Variants in RSU1 observed in about 807,000 individuals in gnomAD.
RSU1 encodes the protein Ras suppressor protein 1.
RSU1 carries 26 observed loss-of-function variants against 31.1 expected under a neutral mutation model. That is an observed-to-expected ratio of 0.84 (90% confidence interval 0.61 to 1.16). The LOEUF (loss-of-function observed/expected upper bound fraction) is 1.16, where lower values mean the gene tolerates loss of function less well. Among genes scored for constraint, RSU1 ranks in the 50% most tolerant of loss-of-function variants. The probability of loss-of-function intolerance (pLI) is 0.00; values close to 1 mark genes in which losing one functional copy is unlikely to be tolerated. For missense variants in RSU1, 320 were observed against 339.1 expected (o/e 0.94, Z 0.44); for synonymous variants, 164 against 136.3 (o/e 1.20, Z -1.41).
At chr10:16,803,404 C>G (rs1838199281) in intron 2 of RSU1, among the ~76,000 whole-genome samples, 1 of 152,110 alleles carries the variant, frequency 6.6e-6, no homozygotes, top group Admixed American at 6.5e-5. Flanking sequence ...CAGGAAGACT[C>G]AACACTGTTA....
rs979680265 is a variant in RSU1, at chr10:16,655,380, C to T, written c.731+39643G>A. ...TCCAGGTCAAAGCTGGGATCTGTCA[C>T]TTAGAGGTTAACACTACTGAGGGCA... is the stretch of plus-strand genomic sequence containing the variant. On this transcript the variant is annotated intron_variant, in intron 8 of 8. Coordinates refer to ENST00000345264, the MANE Select transcript of RSU1 (RefSeq NM_012425.4). Among the ~76,000 whole-genome samples the T allele has an allele frequency of 2.0e-5, 3 of 152,172 alleles. No homozygotes were observed. The South Asian group carries it at 6.2e-4, about 31-fold the overall frequency.
At chr10:16,671,081 C>T (rs562506678) in intron 8 of RSU1, among the ~76,000 whole-genome samples, 66 of 152,216 alleles carry the variant, frequency 4.3e-4, no homozygotes, top group African/African-American at 1.4e-3. Context: ...CCTGTTAAAG[C>T]TCCTGAAATG....
At chr10:16,723,482 G>T (rs1297031903) in intron 7 of RSU1, among the ~76,000 whole-genome samples, 1 of 152,182 alleles carries the variant, frequency 6.6e-6, no homozygotes, top group Non-Finnish European at 1.5e-5. Context: ...ATTTGAGCAA[G>T]AGCTCCAATG....
chr10:16,593,603 G>T, intron 8 of RSU1, 107 bp from the exon 9 acceptor site: 3 of 881,128 alleles, frequency 3.4e-6, no homozygotes, highest in Non-Finnish European at 5.5e-6. Flanking sequence ...TATTCAGTAA[G>T]CCAAAGAAAA....
intron 2 of RSU1, among the ~76,000 whole-genome samples, chr10:16,789,526 C>G (rs182552784): frequency 6.6e-6 from 1 of 152,126 alleles, no homozygotes; most frequent in Non-Finnish European, 1.5e-5. Flanking sequence ...CCTTTCCACT[C>G]GGGAATGGTG....
intron 7 of RSU1, among the ~76,000 whole-genome samples, chr10:16,699,883 T>A (rs986086895): frequency 6.6e-6 from 1 of 152,186 alleles, no homozygotes; most frequent in South Asian, 2.1e-4. Flanking sequence ...CAAATTGGAT[T>A]TTCCATTTTA....
At chr10:16,708,998 GTTTT>G (rs35261569) in intron 7 of RSU1, among the ~76,000 whole-genome samples, 3 of 142,730 alleles carry the variant, frequency 2.1e-5, no homozygotes, top group South Asian at 2.3e-4. Flanking sequence ...GAGTCCTTTG[GTTTT>G]TTTTTTTTAA....
At chr10:16,731,346 C>T (rs1354984444) in intron 7 of RSU1, among the ~76,000 whole-genome samples, 1 of 150,332 alleles carries the variant, frequency 6.7e-6, no homozygotes, top group Non-Finnish European at 1.5e-5. Flanking sequence ...AGGAGAATGG[C>T]GTGAACCCAG....
At chr10:16,597,647 A>C (rs560296029) in intron 8 of RSU1, among the ~76,000 whole-genome samples, 31 of 152,314 alleles carry the variant, frequency 2.0e-4, no homozygotes, top group African/African-American at 7.2e-4. Context: ...ACAGACATGG[A>C]GTTACAGTCA....
chr10:16,726,434 T>G (rs1340702475), intron 7 of RSU1, among the ~76,000 whole-genome samples: 1 of 151,908 alleles, frequency 6.6e-6, no homozygotes, highest in African/African-American at 2.4e-5. Context: ...GCCCAGCTAA[T>G]TTTTGTGTTT....
At chr10:16,785,501 C>CACATATAT (rs1837769994) in intron 2 of RSU1, among the ~76,000 whole-genome samples, 2 of 136,136 alleles carry the variant, frequency 1.5e-5, no homozygotes, top group Non-Finnish European at 3.1e-5. Context: ...TATATATATA[C>CACATATAT]ACATATATAC....
intron 8 of RSU1, among the ~76,000 whole-genome samples, chr10:16,607,082 G>A (rs1259089909): frequency 2.0e-5 from 3 of 152,174 alleles, no homozygotes; most frequent in African/African-American, 7.2e-5. Flanking sequence ...CTCATGAATG[G>A]TTCAGCACTA....
At chr10:16,751,216 A>G (rs1836973179) in intron 7 of RSU1, among the ~76,000 whole-genome samples, 1 of 152,070 alleles carries the variant, frequency 6.6e-6, no homozygotes, top group African/African-American at 2.4e-5. Flanking sequence ...ATGTTTGCAA[A>G]AAGCGTTTCT....
chr10:16,650,374 C>T (rs541955003), intron 8 of RSU1, among the ~76,000 whole-genome samples: 3 of 152,216 alleles, frequency 2.0e-5, no homozygotes, highest in Non-Finnish European at 2.9e-5. Flanking sequence ...CTCAAAATAG[C>T]GCTGACCTAT....
chr10:16,600,949 TGCA>T (rs1287461388), intron 8 of RSU1, among the ~76,000 whole-genome samples: 1 of 152,164 alleles, frequency 6.6e-6, no homozygotes, highest in Non-Finnish European at 1.5e-5. Context: ...ATCCCTTTGC[TGCA>T]GCAGCAAGGA....
At chr10:16,693,775 T>C (rs912709100) in intron 8 of RSU1, among the ~76,000 whole-genome samples, 2 of 152,084 alleles carry the variant, frequency 1.3e-5, no homozygotes, top group South Asian at 2.1e-4. Flanking sequence ...AATGGAAGGA[T>C]TGCCTCAGCC....
At chr10:16,654,181 T>G (rs960563321) in intron 8 of RSU1, among the ~76,000 whole-genome samples, 5 of 151,562 alleles carry the variant, frequency 3.3e-5, no homozygotes, top group Non-Finnish European at 7.4e-5. Context: ...TTTTGTATTT[T>G]TTGTAGAAAT....
At chr10:16,695,754 A>G (rs1280628795) in intron 7 of RSU1, among the ~76,000 whole-genome samples, 2 of 152,214 alleles carry the variant, frequency 1.3e-5, no homozygotes, top group African/African-American at 4.8e-5. Flanking sequence ...GGAAGGTCAG[A>G]TACTAATATT....
intron 7 of RSU1, among the ~76,000 whole-genome samples, chr10:16,730,354 G>A (rs1399342249): frequency 6.6e-6 from 1 of 152,162 alleles, no homozygotes; most frequent in Non-Finnish European, 1.5e-5. Context: ...ATGCACGTGA[G>A]CTGTACCTTG....
Sources: allele counts gnomAD v4.1 joint callset (sites outside exome capture counted in the v4.1 genomes callset), GRCh38; gene constraint gnomAD v4.1.1; transcripts MANE v1.5; gene names NCBI Gene and HGNC (gene_info 2026-07-23, HGNC 2026-07-21).